Variants in PCDHB9 observed in about 807,000 individuals in gnomAD.
PCDHB9 encodes the protein protocadherin beta 9, also known as protocadherin beta-9.
For synonymous variants in PCDHB9, 501 were observed against 439.7 expected, an observed-to-expected ratio of 1.14 and a Z score of -1.75; for missense variants, 1,072 against 995.1, an observed-to-expected ratio of 1.08 and a Z score of -1.04.
chr5:141,188,564 G>A lies in PCDHB9; in HGVS notation c.1246G>A (p.Glu416Lys). The A allele has an allele frequency of 6.2e-7, 1 of 1,614,184 alleles. No individual in the cohort carries two copies. The highest frequency in any genetic ancestry group is 8.5e-7 in the Non-Finnish European group (1 of 1,180,046). ...TGCACTGGACAGAGAGAGCAAAGCT[G>A]AGTACAACATCACCATCACCGTCAC... ...EGALDRESKAEYNITITVTDL... is the reference protein window; with the variant it reads ...EGALDRESKAKYNITITVTDL... Residue 416 changes from glutamate (E) to lysine (K), a missense_variant, in exon 1 of 1, where the codon GAG becomes AAG. Physicochemically the swap from Glu to Lys is moderately conservative, Grantham distance 56. Coordinates refer to ENST00000316105, the MANE Select transcript of PCDHB9 (RefSeq NM_019119.5).
In PCDHB9 at chr5:141,187,583, A is replaced by G. The variant is rs1753767144; in HGVS notation, c.265A>G (p.Lys89Glu). Reference sequence around the variant, plus strand: ...TACCGGGAATTTGCTCACAAATGAGAAACTGGACCGAGAGAAGCTGTGTGG... The same window carrying G: ...TACCGGGAATTTGCTCACAAATGAGGAACTGGACCGAGAGAAGCTGTGTGG... Reference protein sequence around the residue: ...SHTGNLLTNEKLDREKLCGPK... With the variant: ...SHTGNLLTNEELDREKLCGPK... Residue 89 changes from lysine to glutamate, a missense_variant, in exon 1 of 1, where the codon AAA (lysine) becomes GAA (glutamate). Lys to Glu is a moderately conservative substitution (Grantham distance 56). Coordinates refer to ENST00000316105, the MANE Select transcript of PCDHB9 (RefSeq NM_019119.5). 2.5e-6 allele frequency: 4 copies of G among 1,610,922 alleles called. No individual in the cohort carries two copies. Among genetic ancestry groups the G allele is most frequent in the Non-Finnish European group, 3.4e-6 (4 of 1,177,600 alleles).
rs1554282792 is a variant in PCDHB9, at chr5:141,187,442, G to A, written c.124G>A (p.Gly42Arg). Reference protein sequence around the residue: ...RYSVTEETEKGSFVVNLAKDL... With the variant: ...RYSVTEETEKRSFVVNLAKDL... ...TTCGGTGACTGAGGAAACAGAGAAA[G>A]GATCCTTTGTGGTCAATCTGGCAAA... is the stretch of plus-strand genomic sequence containing the variant. Residue 42 changes from glycine to arginine, a missense_variant, in exon 1 of 1, where the codon GGA becomes AGA. Coordinates refer to ENST00000316105, the MANE Select transcript of PCDHB9 (RefSeq NM_019119.5). 1.2e-6 allele frequency: 2 copies of A among 1,614,022 alleles called. No homozygotes were observed. Among genetic ancestry groups the A allele is most frequent in the African/African-American group, 2.7e-5 (2 of 75,004 alleles).
In PCDHB9 at chr5:141,188,006, A is replaced by C. The variant is rs782784861; in HGVS notation, c.688A>C (p.Ile230Leu). 2.5e-6 allele frequency: 4 copies of C among 1,614,016 alleles called. No homozygotes were observed. The East Asian group carries it at 6.7e-5, about 27-fold the overall frequency. Reference protein sequence around the residue: ...PSRSGTSTIRIVVLDVNDNVP... With the variant: ...PSRSGTSTIRLVVLDVNDNVP... ...CAGGTCTGGGACCTCCACTATACGCATTGTGGTCTTGGATGTCAATGACAA... is the reference window on the plus strand; with the variant it reads ...CAGGTCTGGGACCTCCACTATACGCCTTGTGGTCTTGGATGTCAATGACAA... The change falls in exon 1 of 1, where the codon ATT (isoleucine) becomes CTT (leucine). Residue 230 changes from isoleucine to leucine, a missense_variant. Ile to Leu is a conservative substitution (Grantham distance 5, BLOSUM62 2). Coordinates refer to ENST00000316105, the MANE Select transcript of PCDHB9 (RefSeq NM_019119.5).
rs782535881 is a variant in PCDHB9 at position 141,188,013 on chromosome 5, T to A, written c.695T>A (p.Val232Asp). 7 of 1,613,944 alleles carry A rather than the reference T, an allele frequency of 4.3e-6. 1 individual carries two copies. The South Asian group carries it at 7.7e-5, about 18-fold the overall frequency. Residue 232 changes from valine to aspartate, a missense_variant, in exon 1 of 1, where the codon GTC becomes GAC. Physicochemically the swap from Val to Asp is radical, Grantham distance 152. Coordinates refer to ENST00000316105, the MANE Select transcript of PCDHB9 (RefSeq NM_019119.5). ...GGGACCTCCACTATACGCATTGTGG[T>A]CTTGGATGTCAATGACAATGTCCCA... ...RSGTSTIRIV[V>D]LDVNDNVPQF...
At position 141,187,376 on chromosome 5, in the gene PCDHB9, T is replaced by C. The variant is rs561325106; in HGVS notation, c.58T>C (p.Phe20Leu). 6 of 1,614,200 alleles carry C rather than the reference T, an allele frequency of 3.7e-6. No homozygotes were observed. In the African/African-American group the frequency reaches 5.3e-5, roughly 14 times the overall value. The change falls in exon 1 of 1, where the codon TTC becomes CTC. Residue 20 changes from phenylalanine to leucine, a missense_variant. Phe to Leu is a conservative substitution (Grantham distance 22, BLOSUM62 0). Coordinates refer to ENST00000316105, the MANE Select transcript of PCDHB9 (RefSeq NM_019119.5). Reference protein sequence around the residue: ...RQRQVLFLFLFWGVSLAGSGF... With the variant: ...RQRQVLFLFLLWGVSLAGSGF... ...AAGGCAAGTCCTGTTTCTTTTTCTT[T>C]TCTGGGGAGTGTCCTTGGCAGGTTC... is the stretch of plus-strand genomic sequence containing the variant.
chr5:141,188,637 A>C lies in PCDHB9; in HGVS notation c.1319A>C (p.Gln440Pro). 6.2e-7 allele frequency: 1 copy of C among 1,613,894 alleles called. No individual in the cohort carries two copies. The highest frequency in any genetic ancestry group is 2.2e-5 in the East Asian group (1 of 44,882). ...RLKTEHSITLQVSDVNDNAPA... is the reference protein window; with the variant it reads ...RLKTEHSITLPVSDVNDNAPA... ...AAAACCGAGCACAGCATAACCCTGC[A>C]GGTCTCCGACGTCAATGACAACGCC... Residue 440 changes from glutamine to proline, a missense_variant, in exon 1 of 1, where the codon CAG (glutamine) becomes CCG (proline). Gln to Pro is a moderately conservative substitution (Grantham distance 76). Transcript: ENST00000316105.
In PCDHB9 at chr5:141,188,347, T is replaced by C; in HGVS notation, c.1029T>C (p.Asn343=). Residue 343 remains asparagine (N), a synonymous_variant, in exon 1 of 1, where the codon AAT becomes AAC. Transcript: ENST00000316105. ...TAAAAGTATTAGATTCCAATGACAA[T>C]CCTCCTGAACTGATCATATCATCAC... is the stretch of plus-strand genomic sequence containing the variant. ...VLIKVLDSND[N]PPELIISSLS... is the part of the protein sequence containing the mutation. The C allele has an allele frequency of 6.2e-7, 1 of 1,614,120 alleles. No individual in the cohort carries two copies. Among genetic ancestry groups the C allele is most frequent in the South Asian group, 1.1e-5 (1 of 91,066 alleles).
Position 141,188,659 on chromosome 5 carries a change from C to T in PCDHB9, c.1341C>T (p.Asn447=), listed in dbSNP as rs1459171550. The change falls in exon 1 of 1, where the codon AAC becomes AAT. Residue 447 remains asparagine, a synonymous_variant. Coordinates refer to ENST00000316105, the MANE Select transcript of PCDHB9 (RefSeq NM_019119.5). ...TGCAGGTCTCCGACGTCAATGACAA[C>T]GCCCCCGCCTTCACCCAAACCTCCT... The part of the protein sequence containing the change: ...ITLQVSDVND[N]APAFTQTSYT... 1.2e-6 allele frequency: 2 copies of T among 1,614,114 alleles called. No homozygotes were observed. Among genetic ancestry groups the T allele is most frequent in the Non-Finnish European group, 8.5e-7 (1 of 1,180,036 alleles).
Position 141,188,181 on chromosome 5 carries a change from T to A in PCDHB9, c.863T>A (p.Ile288Asn). 6.2e-7 allele frequency: 1 copy of A among 1,611,008 alleles called. No individual in the cohort carries two copies. The highest frequency in any genetic ancestry group is 2.2e-5 in the East Asian group (1 of 44,838). The change falls in exon 1 of 1, where the codon ATT (isoleucine) becomes AAT (asparagine). Residue 288 changes from isoleucine to asparagine, a missense_variant. Coordinates refer to ENST00000316105, the MANE Select transcript of PCDHB9 (RefSeq NM_019119.5). Reference protein sequence around the residue: ...SYSFFDASEDILTTFQINPFS... With the variant: ...SYSFFDASEDNLTTFQINPFS... ...TCATTTTTTGATGCTTCTGAAGATA[T>A]TTTAACAACGTTTCAAATCAATCCT...
rs782807372 is a variant in PCDHB9, at chr5:141,187,841, A to C, written c.523A>C (p.Asn175His). The C allele has an allele frequency of 4.3e-6, 7 of 1,614,090 alleles. No homozygotes were observed. Among genetic ancestry groups the C allele is most frequent in the Non-Finnish European group, 5.1e-6 (6 of 1,180,046 alleles). The change falls in exon 1 of 1, where the codon AAC (asparagine) becomes CAC (histidine). Residue 175 changes from asparagine (N) to histidine (H), a missense_variant. Coordinates refer to ENST00000316105, the MANE Select transcript of PCDHB9 (RefSeq NM_019119.5). The part of the protein sequence containing the change: ...NSIQNYTISS[N>H]SFFHIKISGS... ...TATCCAAAACTACACGATCAGCTCC[A>C]ACTCTTTTTTCCATATTAAAATTAG...
chr5:141,189,631 C>G lies in PCDHB9; in HGVS notation c.2313C>G (p.Thr771=), dbSNP rs781969829. 5 of 1,613,914 alleles carry G rather than the reference C, an allele frequency of 3.1e-6. No individual in the cohort carries two copies. Among genetic ancestry groups the G allele is most frequent in the African/African-American group, 1.3e-5 (1 of 74,856 alleles). ...TGEFKFLKPI[T]PHLPPHRGGK... is the part of the protein sequence containing the mutation. ...AGTTCAAGTTCTTGAAGCCGATTAC[C>G]CCCCACCTCCCGCCCCATAGGGGTG... Residue 771 remains threonine (T), a synonymous_variant, in exon 1 of 1, where the codon ACC becomes ACG. Transcript: ENST00000316105.
chr5:141,190,843 G>A lies in PCDHB9; in HGVS notation c.*1131G>A, dbSNP rs1049064123. ...CACAAAGTAGAGGTTTATATTGTGC[G>A]GCTTTTATATTCAGCTATTAGAGTG... On this transcript the variant is annotated 3_prime_UTR_variant, in exon 1 of 1. Transcript: ENST00000316105. 1.6e-4 allele frequency: 24 copies of A among 152,036 alleles called. No homozygotes were observed. Among genetic ancestry groups the A allele is most frequent in the African/African-American group, 5.3e-4 (22 of 41,354 alleles). The allele number at this position is 152,036 out of a possible 1,614,324, so 9.4% of individuals were successfully genotyped here. A position where few individuals can be genotyped will look rare whatever the true frequency, so the allele number is the denominator to read the frequency against.
Position 141,189,311 on chromosome 5 carries a change from G to A in PCDHB9, c.1993G>A (p.Gly665Ser), listed in dbSNP as rs782591154. Residue 665 changes from glycine to serine, a missense_variant, in exon 1 of 1, where the codon GGC becomes AGC. Coordinates refer to ENST00000316105, the MANE Select transcript of PCDHB9 (RefSeq NM_019119.5). ...TATLHVLLVD[G>S]FSQPYLPLPE... is the part of the protein sequence containing the mutation. ...CACGCTGCACGTGCTCCTGGTGGAC[G>A]GCTTCTCCCAGCCCTACCTGCCTCT... The A allele has an allele frequency of 1.9e-6, 3 of 1,610,216 alleles. No individual in the cohort carries two copies.
chr5:141,189,236 C>G lies in PCDHB9; in HGVS notation c.1918C>G (p.Leu640Val), dbSNP rs376270789. Residue 640 changes from leucine to valine, a missense_variant, in exon 1 of 1, where the codon CTG (leucine) becomes GTG (valine). Transcript: ENST00000316105. ...LSERDAAKHR[L>V]VVLVKDNGEP... ...CGAGCGCGACGCGGCCAAGCACAGG[C>G]TGGTGGTGCTTGTCAAGGACAATGG... 1 of 1,606,852 alleles carries G rather than the reference C, an allele frequency of 6.2e-7. No homozygotes were observed. Among genetic ancestry groups the G allele is most frequent in the African/African-American group, 1.3e-5 (1 of 74,828 alleles).
chr5:141,188,417 G>GT lies in PCDHB9; in HGVS notation c.1104dup (p.Lys369Ter). 1.2e-6 allele frequency: 2 copies of GT among 1,614,124 alleles called. No individual in the cohort carries two copies. Among genetic ancestry groups the GT allele is most frequent in the Non-Finnish European group, 1.7e-6 (2 of 1,180,006 alleles). ...AAACTCTCCTGGGATAGTATTGGCT[G>GT]TTTTTAAGATTAAAGACAGAGACTC... is the stretch of plus-strand genomic sequence containing the variant. On this transcript the variant is annotated frameshift_variant, in exon 1 of 1. Coordinates refer to ENST00000316105, the MANE Select transcript of PCDHB9 (RefSeq NM_019119.5). LOFTEE classifies it low-confidence loss of function (END_TRUNC).
chr5:141,187,189 C>A lies in PCDHB9; in HGVS notation c.-130C>A. 8.5e-7 allele frequency: 1 copy of A among 1,170,258 alleles called. No individual in the cohort carries two copies. The highest frequency in any genetic ancestry group is 1.2e-6 in the Non-Finnish European group (1 of 834,018). 72.5% of individuals were successfully genotyped at this position (1,170,258 alleles called of 1,614,324 possible). On this transcript the variant is annotated 5_prime_UTR_variant, in exon 1 of 1. The change creates a new upstream start codon in the 5' untranslated region. Transcript: ENST00000316105. ...GAGACAGATGGGCTGAGAAGAAGAGCTGTCGAGTCCCTGATTGGGAAAGGA... is the reference window on the plus strand; with the variant it reads ...GAGACAGATGGGCTGAGAAGAAGAGATGTCGAGTCCCTGATTGGGAAAGGA...
rs1341516671 is a variant in PCDHB9 at position 141,190,421 on chromosome 5, C to T, written c.*709C>T. On this transcript the variant is annotated 3_prime_UTR_variant, in exon 1 of 1. Transcript: ENST00000316105. ...TATCTCTTGACCTCGTGATCCACCC[C>T]ACTCAGCCTCCCAAATTGCTGGGAT... is the stretch of plus-strand genomic sequence containing the variant. The T allele has an allele frequency of 1.3e-5, 2 of 151,868 alleles. No homozygotes were observed. The highest frequency in any genetic ancestry group is 2.9e-5 in the Non-Finnish European group (2 of 67,966). 9.4% of individuals were successfully genotyped at this position (151,868 alleles called of 1,614,324 possible). A position where few individuals can be genotyped will look rare whatever the true frequency, so the allele number is the denominator to read the frequency against.
chr5:141,188,689 C>G lies in PCDHB9; in HGVS notation c.1371C>G (p.Thr457=), dbSNP rs1753806161. The G allele has an allele frequency of 6.2e-7, 1 of 1,613,930 alleles. No homozygotes were observed. Among genetic ancestry groups the G allele is most frequent in the Non-Finnish European group, 8.5e-7 (1 of 1,180,046 alleles). Residue 457 remains threonine, a synonymous_variant, in exon 1 of 1, where the codon ACC becomes ACG. Coordinates refer to ENST00000316105, the MANE Select transcript of PCDHB9 (RefSeq NM_019119.5). The part of the protein sequence containing the change: ...NAPAFTQTSY[T]LFVRENNSPA... ...CCGCCTTCACCCAAACCTCCTACAC[C>G]CTGTTCGTCCGGGAGAACAACAGCC... is the stretch of plus-strand genomic sequence containing the variant.
Position 141,189,098 on chromosome 5 carries a change from G to C in PCDHB9, c.1780G>C (p.Gly594Arg), listed in dbSNP as rs17844532. ...YLVTKVVAVD[G>R]DSGQNAWLSY... The stretch of plus-strand genomic sequence containing the variant: ...GGTGACCAAGGTGGTGGCGGTGGAC[G>C]GCGACTCGGGCCAGAACGCCTGGCT... Residue 594 changes from glycine (G) to arginine (R), a missense_variant, in exon 1 of 1, where the codon GGC becomes CGC. Transcript: ENST00000316105. 5.6e-6 allele frequency: 9 copies of C among 1,602,316 alleles called. No individual in the cohort carries two copies. In the East Asian group the frequency reaches 1.6e-4, roughly 28 times the overall value.
Sources: gnomAD v4.1 joint callset for allele counts on GRCh38, gnomAD v4.1.1 for gene constraint, MANE v1.5 for transcripts, NCBI Gene and HGNC (gene_info 2026-07-23, HGNC 2026-07-21) for gene names.